Variants in MSI2 observed in about 807,000 individuals in gnomAD.
The protein encoded by MSI2 is musashi RNA binding protein 2.
A neutral mutation model predicts 45.6 loss-of-function variants in MSI2; 17 were observed. The ratio of observed to expected loss-of-function variants is 0.37; its 90% CI spans 0.26 to 0.56. The LOEUF (loss-of-function observed/expected upper bound fraction) is 0.56, where lower values mean the gene tolerates loss of function less well. Among genes scored for constraint, MSI2 ranks in the 20% least tolerant of loss-of-function variants. The pLI, the probability that MSI2 is intolerant of heterozygous loss-of-function variation, is 0.77. For synonymous variants in MSI2, 156 were observed against 158.2 expected (o/e 0.99, Z 0.11); for missense variants, 293 against 444.2 (o/e 0.66, Z 3.06).
chr17:57,343,526 C>T (rs971288342), intron 5 of MSI2, among the ~76,000 whole-genome samples: 12 of 152,252 alleles, frequency 7.9e-5, no homozygotes, highest in Non-Finnish European at 5.9e-5. Flanking sequence ...TGACCCTCCA[C>T]TCCTAAATAC....
intron 7 of MSI2, among the ~76,000 whole-genome samples, chr17:57,555,134 G>T (rs1479038015): frequency 6.6e-6 from 1 of 152,124 alleles, no homozygotes; most frequent in Non-Finnish European, 1.5e-5. Flanking sequence ...CCTGGGTAAT[G>T]GTGCCCAGTT....
At chr17:57,286,185 G>A (rs1025333629) in intron 5 of MSI2, among the ~76,000 whole-genome samples, 1 of 149,108 alleles carries the variant, frequency 6.7e-6, no homozygotes, top group Non-Finnish European at 1.5e-5. Flanking sequence ...AGAACTAGTG[G>A]TTGTAGTTTC....
intron 6 of MSI2, among the ~76,000 whole-genome samples, chr17:57,456,595 T>C (rs2085119708): frequency 6.6e-6 from 1 of 150,672 alleles, no homozygotes; most frequent in Non-Finnish European, 1.5e-5. Context: ...CGAGACTCCA[T>C]CTCCAAAAAA....
chr17:57,281,639 A>G (rs937596182), intron 5 of MSI2, among the ~76,000 whole-genome samples: 2 of 152,094 alleles, frequency 1.3e-5, no homozygotes, highest in African/African-American at 2.4e-5. Flanking sequence ...TTGTTTCCCA[A>G]TATACTGCGT....
In MSI2 at chr17:57,529,150, T is replaced by G. The variant is rs1394525666; in HGVS notation, c.406-526T>G. ...TTTTCTTTCTTTAGAAAAAAAATACTCCAGGCCTGGAGCAGTGGCTCACAC... is the reference window on the plus strand; with the variant it reads ...TTTTCTTTCTTTAGAAAAAAAATACGCCAGGCCTGGAGCAGTGGCTCACAC... On this transcript the variant is annotated intron_variant, in intron 6 of 13. Transcript: ENST00000284073. The surrounding 1 kb of genome is among the most constrained non-coding windows in gnomAD (Gnocchi z 5.3). Among the ~76,000 whole-genome samples the G allele has an allele frequency of 6.6e-6, 1 of 152,158 alleles. No homozygotes were observed. The highest frequency in any genetic ancestry group is 6.5e-5 in the Admixed American group (1 of 15,270).
rs147356330 is a variant in MSI2 at position 57,577,078 on chromosome 17, A to T, written c.455-19790A>T. Among the ~76,000 whole-genome samples the T allele has an allele frequency of 8.9e-4, 135 of 152,290 alleles. 1 individual carries two copies. The East Asian group carries it at 9.8e-3, about 11-fold the overall frequency. On this transcript the variant is annotated intron_variant, in intron 7 of 13. Coordinates refer to ENST00000284073, the MANE Select transcript of MSI2 (RefSeq NM_138962.4). The stretch of plus-strand genomic sequence containing the variant: ...GGGACCAGGACAGTATTACGGGAAA[A>T]ATTCCAGAGGAACCAAGGAGACTCG...
intron 5 of MSI2, among the ~76,000 whole-genome samples, chr17:57,271,158 G>A (rs1908321256): frequency 6.6e-6 from 1 of 152,138 alleles, no homozygotes; most frequent in Admixed American, 6.5e-5. Flanking sequence ...ACCAATGACT[G>A]ATCTGAAAGC....
In MSI2 at chr17:57,559,257, A is replaced by G. The variant is rs186521064; in HGVS notation, c.454+29533A>G. Among the ~76,000 whole-genome samples the G allele has an allele frequency of 3.3e-4, 50 of 152,336 alleles. 1 individual carries two copies. Among genetic ancestry groups the G allele is most frequent in the Non-Finnish European group, 6.2e-4 (42 of 68,034 alleles). On this transcript the variant is annotated intron_variant, in intron 7 of 13. Coordinates refer to ENST00000284073, the MANE Select transcript of MSI2 (RefSeq NM_138962.4). ...GGCTAAAACACGCCCATGTGAGGACAGCATTTGGAAAGTTAATGCTAAGGA... is the reference window on the plus strand; with the variant it reads ...GGCTAAAACACGCCCATGTGAGGACGGCATTTGGAAAGTTAATGCTAAGGA...
At chr17:57,586,725 C>T (rs376418522) in intron 7 of MSI2, among the ~76,000 whole-genome samples, 6 of 151,942 alleles carry the variant, frequency 3.9e-5, no homozygotes, top group African/African-American at 1.2e-4. Context: ...TTAAAGACAG[C>T]GTTATTGAGG....
At chr17:57,462,777 T>C (rs961464506) in intron 6 of MSI2, among the ~76,000 whole-genome samples, 7 of 152,220 alleles carry the variant, frequency 4.6e-5, no homozygotes, top group African/African-American at 1.7e-4. Flanking sequence ...TTATGGGCCA[T>C]TAAGTCTGTA....
Position 57,596,956 on chromosome 17 carries a change from T to C in MSI2, c.537+6T>C. The C allele has an allele frequency of 6.3e-7, 1 of 1,598,412 alleles. No homozygotes were observed. The highest frequency in any genetic ancestry group is 8.6e-7 in the Non-Finnish European group (1 of 1,165,814). On this transcript the variant is annotated splice_donor_region_variant and intron_variant, in intron 8 of 13. Coordinates refer to ENST00000284073, the MANE Select transcript of MSI2 (RefSeq NM_138962.4). This position sits in a 1 kb window ranked among gnomAD's most constrained non-coding sequence, Gnocchi z 4.6. The stretch of plus-strand genomic sequence containing the variant: ...ATGAAATCAATAATAAAATGGTAAG[T>C]GTGTAGGGGTTGCGCTGAAATGGAA...
At chr17:57,357,349 G>A (rs1027498326) in intron 5 of MSI2, among the ~76,000 whole-genome samples, 5 of 152,014 alleles carry the variant, frequency 3.3e-5, no homozygotes, top group African/African-American at 9.7e-5. Context: ...GTCCACCGCC[G>A]GTGGGAAAAA....
At chr17:57,515,422 C>T (rs1279549035) in intron 6 of MSI2, among the ~76,000 whole-genome samples, 1 of 152,174 alleles carries the variant, frequency 6.6e-6, no homozygotes, top group African/African-American at 2.4e-5. Flanking sequence ...CCAGGCTGGT[C>T]GTGAACTCCT....
At chr17:57,465,107 T>A (rs1598300618) in intron 6 of MSI2, among the ~76,000 whole-genome samples, 1 of 152,224 alleles carries the variant, frequency 6.6e-6, no homozygotes, top group Non-Finnish European at 1.5e-5. Flanking sequence ...GATATTATTA[T>A]CCTTTTCATT....
chr17:57,476,338 C>G (rs1353840092), intron 6 of MSI2, among the ~76,000 whole-genome samples: 1 of 152,210 alleles, frequency 6.6e-6, no homozygotes, highest in Non-Finnish European at 1.5e-5. Context: ...TCCCCTGAGC[C>G]TGGATGGAGG....
At chr17:57,275,820 G>T (rs1413972815) in intron 5 of MSI2, among the ~76,000 whole-genome samples, 1 of 152,186 alleles carries the variant, frequency 6.6e-6, no homozygotes, top group African/African-American at 2.4e-5. Flanking sequence ...AGCCATATTT[G>T]CTGCTCCATT....
intron 9 of MSI2, 98 bp downstream of exon 9, chr17:57,616,182 C>A: frequency 2.6e-6 from 2 of 782,452 alleles, no homozygotes; most frequent in Non-Finnish European, 2.1e-6. Context: ...AACTGCTTCA[C>A]CTTTCTAAGC....
chr17:57,574,081 G>C (rs2087949774), intron 7 of MSI2, among the ~76,000 whole-genome samples: 1 of 152,154 alleles, frequency 6.6e-6, no homozygotes, highest in Admixed American at 6.5e-5. Context: ...CCCTGGGCTA[G>C]GATTTGTCAG....
intron 6 of MSI2, among the ~76,000 whole-genome samples, chr17:57,474,462 C>T (rs1385249114): frequency 2.6e-5 from 4 of 152,128 alleles, no homozygotes; most frequent in African/African-American, 9.7e-5. Flanking sequence ...GGGCACTGTC[C>T]TGTGCATTGT....
Sources: gnomAD v4.1 joint callset for allele counts (sites outside exome capture counted in the v4.1 genomes callset) on GRCh38, gnomAD v4.1.1 for gene constraint, Gnocchi (gnomAD v3.1) non-coding constraint, MANE v1.5 for transcripts, NCBI Gene and HGNC (gene_info 2026-07-23, HGNC 2026-07-21) for gene names.